The following NIBAN1 variants were observed in gnomAD, a reference collection of about 807,000 sequenced individuals.
The protein encoded by NIBAN1 is protein Niban 1.
Under a neutral mutation model 75.1 loss-of-function variants are expected in NIBAN1, and 81 were observed. That is an observed-to-expected ratio of 1.08 (90% CI 0.90 to 1.30). NIBAN1 has a LOEUF of 1.30. Ranked by LOEUF, NIBAN1 falls within the 50% of genes most tolerant of loss-of-function variation. The pLI is 0.00. For synonymous variants in NIBAN1, 436 were observed against 424.8 expected (o/e 1.03, Z -0.32); for missense variants, 1,133 against 1,128.1 (o/e 1.00, Z -0.06).
chr1:184,866,657 C>T (rs1655965768), intron 5 of NIBAN1, among the ~76,000 whole-genome samples: 1 of 152,056 alleles, frequency 6.6e-6, no homozygotes, highest in South Asian at 2.1e-4. Context: ...AAAAAATATA[C>T]ATGGTATGAA....
intron 10 of NIBAN1, among the ~76,000 whole-genome samples, chr1:184,807,055 C>G (rs1294590826): frequency 6.6e-6 from 1 of 152,168 alleles, no homozygotes; most frequent in African/African-American, 2.4e-5. Context: ...CAGGCGTGAG[C>G]CACTGTGCCT....
At chr1:184,882,939 A>T (rs577512550) in intron 5 of NIBAN1, among the ~76,000 whole-genome samples, 8 of 152,264 alleles carry the variant, frequency 5.3e-5, no homozygotes, top group African/African-American at 1.2e-4. Context: ...TCATTTTTTT[A>T]AAAAAGTTCC....
rs541705016 is a variant in NIBAN1 at position 184,907,160 on chromosome 1, A to G, written c.56-7851T>C. On this transcript the variant is annotated intron_variant, in intron 1 of 13. Coordinates refer to ENST00000367511, the MANE Select transcript of NIBAN1 (RefSeq NM_052966.4). ...AATCTTTTTTCAATTCTTTTTAAAA[A>G]TAGTTGAGACTGTTATGTTTTATAT... Among the ~76,000 whole-genome samples the G allele has an allele frequency of 4.6e-5, 7 of 152,370 alleles. No homozygotes were observed. In the East Asian group the frequency reaches 1.2e-3, roughly 25 times the overall value.
intron 1 of NIBAN1, among the ~76,000 whole-genome samples, chr1:184,929,307 G>A (rs1657762845): frequency 6.6e-6 from 1 of 151,866 alleles, no homozygotes; most frequent in South Asian, 2.1e-4. Flanking sequence ...ATTTATAATT[G>A]TACAACTACC....
intron 5 of NIBAN1, among the ~76,000 whole-genome samples, chr1:184,835,431 G>C (rs942346526): frequency 6.6e-6 from 1 of 152,132 alleles, no homozygotes; most frequent in Non-Finnish European, 1.5e-5. Flanking sequence ...AAATTACCTT[G>C]GGCAGTAGGC....
chr1:184,904,824 A>G (rs913326344), intron 1 of NIBAN1, among the ~76,000 whole-genome samples: 1 of 151,820 alleles, frequency 6.6e-6, no homozygotes, highest in Non-Finnish European at 1.5e-5. Context: ...GGTGGTGCAC[A>G]CCTGTAATCC....
intron 5 of NIBAN1, among the ~76,000 whole-genome samples, chr1:184,834,676 T>C (rs1307405040): frequency 6.6e-6 from 1 of 152,238 alleles, no homozygotes; most frequent in Non-Finnish European, 1.5e-5. Flanking sequence ...TGTCTGTTCA[T>C]GTCCTTTGCC....
At position 184,828,959 on chromosome 1, in the gene NIBAN1, G is replaced by A. The variant is rs117607038; in HGVS notation, c.717+2888C>T. On this transcript the variant is annotated intron_variant, in intron 6 of 13. Transcript: ENST00000367511. Reference sequence around the variant, plus strand: ...CTACCTGCACATACCACTGTTCCCAGCTAATTTGTACAAAACTTTTTGAAG... The same window carrying A: ...CTACCTGCACATACCACTGTTCCCAACTAATTTGTACAAAACTTTTTGAAG... 2.0e-4 allele frequency among the ~76,000 whole-genome samples: 30 copies of A among 152,136 alleles called. No individual in the cohort carries two copies. The East Asian group carries it at 5.0e-3, about 25-fold the overall frequency.
chr1:184,929,155 A>C (rs758219590), intron 1 of NIBAN1, among the ~76,000 whole-genome samples: 8 of 152,204 alleles, frequency 5.3e-5, no homozygotes, highest in Non-Finnish European at 1.0e-4. Context: ...GCGTGTCCAC[A>C]GAAACTCCCT....
At chr1:184,876,728 C>T (rs943922961) in intron 5 of NIBAN1, among the ~76,000 whole-genome samples, 1 of 151,754 alleles carries the variant, frequency 6.6e-6, no homozygotes, top group African/African-American at 2.4e-5. Context: ...AATCCTGTAA[C>T]ATTTTTAAAA....
chr1:184,821,970 AG>A (rs1229690057), intron 8 of NIBAN1, among the ~76,000 whole-genome samples: 1 of 152,148 alleles, frequency 6.6e-6, no homozygotes, highest in Non-Finnish European at 1.5e-5. Context: ...TGCAGTGGAA[AG>A]GGGGCCTGAA....
intron 6 of NIBAN1, 36 bp from the exon 7 acceptor site, chr1:184,823,778 G>T: frequency 6.4e-7 from 1 of 1,573,072 alleles, no homozygotes; most frequent in South Asian, 1.1e-5. Context: ...TCGGTCAGTC[G>T]GTGATGGCTA....
chr1:184,884,215 CTTTTTTTTTTTTTTTT>C (rs11334000), intron 5 of NIBAN1, among the ~76,000 whole-genome samples: 1 of 66,800 alleles, frequency 1.5e-5, no homozygotes, highest in African/African-American at 7.3e-5. Context: ...ATCTGTGGCT[CTTTTTTTTTTTTTTTT>C]TTTTTTTTTT....
chr1:184,831,989 G>T, intron 5 of NIBAN1, 27 bp from the exon 6 acceptor site: 1 of 1,555,832 alleles, frequency 6.4e-7, no homozygotes, highest in Non-Finnish European at 8.9e-7. Context: ...AGGGCATTCA[G>T]CAAGATAAAA....
At chr1:184,799,109 G>T (rs1289409688) in intron 12 of NIBAN1, among the ~76,000 whole-genome samples, 2 of 151,906 alleles carry the variant, frequency 1.3e-5, no homozygotes, top group East Asian at 3.9e-4. Flanking sequence ...AGTTACATAT[G>T]TATACATGTG....
chr1:184,910,850 G>A (rs923595985), intron 1 of NIBAN1, among the ~76,000 whole-genome samples: 6 of 152,122 alleles, frequency 3.9e-5, no homozygotes, highest in Non-Finnish European at 7.4e-5. Flanking sequence ...TGAGTAAGAC[G>A]AAATTTTCTC....
intron 1 of NIBAN1, among the ~76,000 whole-genome samples, chr1:184,929,922 T>C (rs1448106435): frequency 1.3e-5 from 2 of 152,170 alleles, no homozygotes; most frequent in African/African-American, 2.4e-5. Context: ...AACTAGCAGA[T>C]TAGAACAGAG....
chr1:184,809,888 A>G (rs1654326100), intron 9 of NIBAN1, among the ~76,000 whole-genome samples: 2 of 152,124 alleles, frequency 1.3e-5, no homozygotes, highest in African/African-American at 4.8e-5. Flanking sequence ...AAGCAGAGTA[A>G]TGTATAAAAT....
rs79842197 is a variant in NIBAN1 at position 184,805,333 on chromosome 1, T to A, written c.1446+613A>T. 3.0e-4 allele frequency among the ~76,000 whole-genome samples: 46 copies of A among 152,368 alleles called. 1 individual carries two copies. The East Asian group carries it at 7.7e-3, about 26-fold the overall frequency. ...AGCTTAATTAAGTCACATTAGCTTT[T>A]ACAGAATCAGTTCCTCATCTGTACA... On this transcript the variant is annotated intron_variant, in intron 11 of 13. Coordinates refer to ENST00000367511, the MANE Select transcript of NIBAN1 (RefSeq NM_052966.4).
Sources: gnomAD v4.1 joint callset for allele counts (sites outside exome capture counted in the v4.1 genomes callset) on GRCh38, gnomAD v4.1.1 for gene constraint, MANE v1.5 for transcripts, NCBI Gene and HGNC (gene_info 2026-07-23, HGNC 2026-07-21) for gene names.